Variants in ATP6V0A4 observed in about 807,000 individuals in gnomAD.
ATP6V0A4 encodes the protein V-type proton ATPase 116 kDa subunit a 4.
A neutral mutation model predicts 107.3 loss-of-function variants in ATP6V0A4; 86 were observed. That is an observed-to-expected ratio of 0.80 (90% CI 0.67 to 0.96). The LOEUF (loss-of-function observed/expected upper bound fraction) is 0.96. ATP6V0A4 is among the 40% of genes least tolerant of loss of function. ATP6V0A4 has a pLI of 0.00. For missense variants in ATP6V0A4, 908 were observed against 1,045.6 expected, an observed-to-expected ratio of 0.87 and a Z score of 1.81; for synonymous variants, 353 against 381.4, an observed-to-expected ratio of 0.93 and a Z score of 0.87.
chr7:138,721,768 C>T, intron 19 of ATP6V0A4, 129 bp downstream of exon 19: 1 of 1,054,380 alleles, frequency 9.5e-7, no homozygotes, highest in Non-Finnish European at 1.4e-6. Flanking sequence ...TCACAGCTTC[C>T]CAGGACTCAG....
chr7:138,747,734 T>C (rs866268995), intron 12 of ATP6V0A4, 170 bp from the exon 13 acceptor site: 18 of 1,091,942 alleles, frequency 1.6e-5, no homozygotes, highest in Middle Eastern at 3.1e-4. Context: ...CATAAATGAG[T>C]GCATCTGTTC....
At chr7:138,775,644 A>ATTTT (rs36128448) in intron 2 of ATP6V0A4, among the ~76,000 whole-genome samples, 6 of 89,078 alleles carry the variant, frequency 6.7e-5, no homozygotes, top group Non-Finnish European at 1.3e-4. Flanking sequence ...GATTGGGCTG[A>ATTTT]TTTTTTTTTT....
At chr7:138,777,911 T>A (rs1366184170) in intron 2 of ATP6V0A4, among the ~76,000 whole-genome samples, 1 of 152,074 alleles carries the variant, frequency 6.6e-6, no homozygotes, top group East Asian at 1.9e-4. Flanking sequence ...AAATCGGAAA[T>A]ACTCCAAAAT....
At chr7:138,774,438 G>C (rs1232808328) in intron 2 of ATP6V0A4, among the ~76,000 whole-genome samples, 1 of 151,762 alleles carries the variant, frequency 6.6e-6, no homozygotes, top group Non-Finnish European at 1.5e-5. Context: ...AAAATGAGCA[G>C]AGTGTGGTGG....
intron 10 of ATP6V0A4, among the ~76,000 whole-genome samples, chr7:138,755,025 C>A (rs1266019700): frequency 6.6e-6 from 1 of 152,192 alleles, no homozygotes; most frequent in Non-Finnish European, 1.5e-5. Context: ...TGGCTCGTGA[C>A]TACAGTGTTG....
chr7:138,776,014 G>T (rs1807643523), intron 2 of ATP6V0A4, among the ~76,000 whole-genome samples: 1 of 152,020 alleles, frequency 6.6e-6, no homozygotes, highest in Non-Finnish European at 1.5e-5. Context: ...GTATCACTAT[G>T]TTGCCCAGGC....
intron 19 of ATP6V0A4, 118 bp downstream of exon 19, chr7:138,721,779 C>A: frequency 1.7e-6 from 2 of 1,144,824 alleles, no homozygotes; most frequent in South Asian, 1.3e-5. Context: ...CAGGACTCAG[C>A]AGTGACAGGG....
chr7:138,709,798 G>C lies in ATP6V0A4; in HGVS notation c.2258-3C>G. 1 of 1,613,718 alleles carries C rather than the reference G, an allele frequency of 6.2e-7. No homozygotes were observed. ...AGTCCAGAGCACTTCAGACAGTTCT[G>C]CAAGGTACGAGAAACCACTGGGATT... On this transcript the variant is annotated splice_region_variant and splice_polypyrimidine_tract_variant and intron_variant, in intron 20 of 21. Coordinates refer to ENST00000310018, the MANE Select transcript of ATP6V0A4 (RefSeq NM_020632.3).
chr7:138,783,993 G>A (rs576954082), intron 2 of ATP6V0A4, among the ~76,000 whole-genome samples: 228 of 151,966 alleles, frequency 1.5e-3, no homozygotes, highest in Middle Eastern at 6.8e-3. Flanking sequence ...AAGGAAGAAG[G>A]AAAGGAGGAG....
chr7:138,709,082 G>T (rs1026752668), intron 21 of ATP6V0A4, among the ~76,000 whole-genome samples: 2 of 151,970 alleles, frequency 1.3e-5, no homozygotes, highest in Non-Finnish European at 2.9e-5. Flanking sequence ...AGTGGCAGAC[G>T]CCTGTAATCC....
chr7:138,784,243 TATATATATACATATATATATATAC>T (rs1808058975), intron 2 of ATP6V0A4, among the ~76,000 whole-genome samples: 1 of 33,554 alleles, frequency 3.0e-5, no homozygotes, highest in African/African-American at 1.2e-4. Flanking sequence ...TACGTATATA[TATATATATACATATATATATATAC>T]ATATATATAT....
chr7:138,721,042 G>C (rs1211685162), intron 19 of ATP6V0A4, among the ~76,000 whole-genome samples: 1 of 152,146 alleles, frequency 6.6e-6, no homozygotes, highest in East Asian at 1.9e-4. Context: ...AATTAGAACA[G>C]AGCTCCGGTT....
At chr7:138,791,006 C>T (rs917232933) in intron 1 of ATP6V0A4, among the ~76,000 whole-genome samples, 3 of 151,834 alleles carry the variant, frequency 2.0e-5, no homozygotes, top group African/African-American at 7.3e-5. Flanking sequence ...TGAATGAAAA[C>T]AGCAGAAATA....
chr7:138,776,902 T>C (rs1249986591), intron 2 of ATP6V0A4, among the ~76,000 whole-genome samples: 1 of 151,952 alleles, frequency 6.6e-6, no homozygotes, highest in Non-Finnish European at 1.5e-5. Context: ...ATCCCAGCAG[T>C]TTGGGAGCCT....
At chr7:138,795,092 G>A (rs1808595411) in intron 1 of ATP6V0A4, among the ~76,000 whole-genome samples, 2 of 151,954 alleles carry the variant, frequency 1.3e-5, no homozygotes, top group Admixed American at 1.3e-4. Flanking sequence ...AGTAGAGATG[G>A]GATTTCACCA....
At chr7:138,777,651 C>T (rs952942590) in intron 2 of ATP6V0A4, among the ~76,000 whole-genome samples, 22 of 150,384 alleles carry the variant, frequency 1.5e-4, no homozygotes, top group African/African-American at 5.1e-4. Context: ...CACACACACA[C>T]ACACACACAC....
intron 10 of ATP6V0A4, 182 bp from the exon 11 acceptor site, chr7:138,753,019 A>G: frequency 1.7e-6 from 1 of 584,398 alleles, no homozygotes; most frequent in Non-Finnish European, 2.2e-6. Context: ...AGAGGCTAAA[A>G]CCCTTAGGCA....
intron 10 of ATP6V0A4, among the ~76,000 whole-genome samples, chr7:138,753,517 C>T (rs1182655810): frequency 6.6e-6 from 1 of 152,188 alleles, no homozygotes; most frequent in Admixed American, 6.5e-5. Flanking sequence ...ACATCTACCA[C>T]AACCCTTTAC....
chr7:138,736,754 A>G (rs1805344221), intron 15 of ATP6V0A4, among the ~76,000 whole-genome samples: 1 of 151,908 alleles, frequency 6.6e-6, no homozygotes, highest in Non-Finnish European at 1.5e-5. Flanking sequence ...TATTTTTAGT[A>G]GAGATGGGGT....
Sources: gnomAD v4.1 joint callset for allele counts (sites outside exome capture counted in the v4.1 genomes callset) on GRCh38, gnomAD v4.1.1 for gene constraint, MANE v1.5 for transcripts, NCBI Gene and HGNC (gene_info 2026-07-23, HGNC 2026-07-21) for gene names.